The following CECR2 variants were observed in gnomAD, a reference collection of about 807,000 sequenced individuals.
CECR2 encodes the protein CECR2 histone acetyl-lysine reader.
In CECR2, 30 loss-of-function variants were observed where a neutral mutation model predicts 154.5. The ratio of observed to expected loss-of-function variants is 0.19; its 90% CI spans 0.15 to 0.26. The LOEUF (loss-of-function observed/expected upper bound fraction) is 0.26, where lower values mean the gene tolerates loss of function less well. Ranked by LOEUF, CECR2 falls within the 10% of genes least tolerant of loss-of-function variation. CECR2 has a pLI of 1.00. For synonymous variants in CECR2, 725 were observed against 683.7 expected (o/e 1.06, Z -0.94); for missense variants, 1,743 against 1,829.3 (o/e 0.95, Z 0.86).
At position 17,549,156 on chromosome 22, in the gene CECR2, C is replaced by A; in HGVS notation, c.3869C>A (p.Pro1290Gln). The A allele has an allele frequency of 6.2e-7, 1 of 1,614,006 alleles. No homozygotes were observed. Among genetic ancestry groups the A allele is most frequent in the Non-Finnish European group, 8.5e-7 (1 of 1,179,894 alleles). ...EEKLDESMER[P>Q]ESPKEFLDLD... Reference sequence around the variant, plus strand: ...AAGCTGGATGAATCTATGGAGAGGCCAGAGAGTCCCAAAGAATTTTTAGAC... The same window carrying A: ...AAGCTGGATGAATCTATGGAGAGGCAAGAGAGTCCCAAAGAATTTTTAGAC... The change falls in exon 17 of 19, where the codon CCA becomes CAA. Residue 1290 changes from proline (P) to glutamine (Q), a missense_variant. Around this residue, in one of 4 missense-constraint regions of CECR2, gnomAD observed 1,250 missense variants for 1,192.1 expected, o/e 1.05. Transcript: ENST00000262608.
intron 1 of CECR2, among the ~76,000 whole-genome samples, chr22:17,442,242 G>A (rs2054595573): frequency 6.6e-6 from 1 of 152,090 alleles, no homozygotes; most frequent in South Asian, 2.1e-4. Flanking sequence ...GAGCTCATGG[G>A]AATCCATGGT....
upstream of CECR2, among the ~76,000 whole-genome samples, chr22:17,365,105 A>T (rs1472539710): frequency 2.6e-5 from 4 of 151,640 alleles, no homozygotes; most frequent in Non-Finnish European, 5.9e-5. Context: ...GTGCCTGTAA[A>T]CCTAGCTACT....
intron 1 of CECR2, among the ~76,000 whole-genome samples, chr22:17,429,550 ACAAAAAC>A (rs2054388273): frequency 3.6e-5 from 5 of 139,986 alleles, no homozygotes; most frequent in African/African-American, 1.2e-4. Context: ...AAAAACAAAA[ACAAAAAC>A]AAAGAAAAGA....
At chr22:17,443,852 A>G (rs900461280) in intron 1 of CECR2, among the ~76,000 whole-genome samples, 1 of 152,160 alleles carries the variant, frequency 6.6e-6, no homozygotes, top group African/African-American at 2.4e-5. Context: ...AAGTTGATAG[A>G]GGCACGGAGA....
At chr22:17,538,470 G>T in intron 10 of CECR2, 50 bp from the exon 11 acceptor site, 2 of 1,538,470 alleles carry the variant, frequency 1.3e-6, no homozygotes, top group Non-Finnish European at 1.8e-6. Context: ...GAGAGCTCAG[G>T]AGAGAAGGTG....
intron 1 of CECR2, among the ~76,000 whole-genome samples, chr22:17,466,844 G>A (rs149488388): frequency 1.3e-5 from 2 of 152,194 alleles, no homozygotes; most frequent in Admixed American, 6.5e-5. Context: ...CTCCCGCCCC[G>A]GCCTTCCAAA....
intron 1 of CECR2, among the ~76,000 whole-genome samples, chr22:17,396,265 C>G (rs1663913407): frequency 6.7e-6 from 1 of 149,924 alleles, no homozygotes; most frequent in Non-Finnish European, 1.5e-5. Flanking sequence ...AAAAACAAGG[C>G]CAGGCGCTGT....
intron 9 of CECR2, among the ~76,000 whole-genome samples, chr22:17,525,900 G>A (rs1296777): frequency 0.14 from 21,449 of 151,988 alleles, 1,988 homozygotes; most frequent in Non-Finnish European, 0.2. Flanking sequence ...CTGTATTGTA[G>A]TCCCATCTAC....
chr22:17,480,419 TACACACACACACACAC>T lies in CECR2; in HGVS notation c.221+2763_221+2778del, dbSNP rs55977287. 5.6e-3 allele frequency among the ~76,000 whole-genome samples: 769 copies of T among 137,434 alleles called. 20 individuals carry two copies. The East Asian group carries it at 0.097, about 17-fold the overall frequency. 90.2% of individuals were successfully genotyped at this position (137,434 alleles called of 152,430 possible). A position where few individuals can be genotyped will look rare whatever the true frequency, so the allele number is the denominator to read the frequency against. The stretch of plus-strand genomic sequence containing the variant: ...CTTGAAACTTACTACTCATGTATAA[TACACACACACACACAC>T]ACACACACACACACACACACACACA... On this transcript the variant is annotated intron_variant, in intron 2 of 18. Transcript: ENST00000262608.
At chr22:17,493,144 G>A (rs2055561277) in intron 2 of CECR2, among the ~76,000 whole-genome samples, 1 of 151,952 alleles carries the variant, frequency 6.6e-6, no homozygotes, top group South Asian at 2.1e-4. Flanking sequence ...GCTAATTTCT[G>A]TATTTTTAGT....
At chr22:17,360,639 T>C (rs1428991317) in intron 1 of CECR2, among the ~76,000 whole-genome samples, 1 of 151,458 alleles carries the variant, frequency 6.6e-6, no homozygotes, top group Non-Finnish European at 1.5e-5. Flanking sequence ...ATTGTGCCAT[T>C]GCACTCCAGC....
chr22:17,374,392 T>C (rs559224996), intron 1 of CECR2, among the ~76,000 whole-genome samples: 3 of 152,290 alleles, frequency 2.0e-5, no homozygotes, highest in African/African-American at 7.2e-5. Flanking sequence ...CATTAAGTAA[T>C]AGAAATAGCT....
At chr22:17,545,537 AC>A in intron 16 of CECR2, among the ~76,000 whole-genome samples, 1 of 151,962 alleles carries the variant, frequency 6.6e-6, no homozygotes, top group East Asian at 1.9e-4. Flanking sequence ...GAATGGACAC[AC>A]TTGGACTTAA....
intron 2 of CECR2, among the ~76,000 whole-genome samples, chr22:17,480,976 G>A (rs2055301241): frequency 6.7e-6 from 1 of 149,882 alleles, no homozygotes; most frequent in African/African-American, 2.5e-5. Context: ...GGAGGCGGAG[G>A]TTGCAGTGAG....
intron 1 of CECR2, among the ~76,000 whole-genome samples, chr22:17,372,491 C>T (rs1199477888): frequency 2.6e-5 from 4 of 152,026 alleles, no homozygotes; most frequent in Non-Finnish European, 5.9e-5. Context: ...CATGATGAAA[C>T]CCCGTTTCTA....
upstream of CECR2, among the ~76,000 whole-genome samples, chr22:17,368,464 G>A (rs1401119255): frequency 6.6e-6 from 1 of 152,094 alleles, no homozygotes; most frequent in Non-Finnish European, 1.5e-5. Flanking sequence ...ATTCAATGGA[G>A]TTTTTCCAAA....
intron 7 of CECR2, among the ~76,000 whole-genome samples, chr22:17,507,012 GATA>G (rs1467385142): frequency 6.6e-5 from 10 of 152,190 alleles, no homozygotes; most frequent in African/African-American, 2.4e-4. Flanking sequence ...ATTTCATATC[GATA>G]ATAATATTTC....
In CECR2 at chr22:17,497,553, G is replaced by A. The variant is rs779029996; in HGVS notation, c.372G>A (p.Arg124=). The change falls in exon 3 of 19, where the codon CGG becomes CGA. Residue 124 remains arginine, a synonymous_variant. Transcript: ENST00000262608. ...TCCTGCACCGACTCTGTGATTACCGGCTGGATGCAGACGATGTCTTCGATC... is the reference window on the plus strand; with the variant it reads ...TCCTGCACCGACTCTGTGATTACCGACTGGATGCAGACGATGTCTTCGATC... ...VEILHRLCDY[R]LDADDVFDLL... The A allele has an allele frequency of 6.2e-7, 1 of 1,613,952 alleles. No individual in the cohort carries two copies. Among genetic ancestry groups the A allele is most frequent in the Non-Finnish European group, 8.5e-7 (1 of 1,179,866 alleles).
intron 9 of CECR2, among the ~76,000 whole-genome samples, chr22:17,529,670 A>C (rs1381019640): frequency 6.6e-6 from 1 of 151,666 alleles, no homozygotes; most frequent in Non-Finnish European, 1.5e-5. Flanking sequence ...ACCGCACTCC[A>C]GCCTGGGCGA....
Sources: allele counts gnomAD v4.1 joint callset (sites outside exome capture counted in the v4.1 genomes callset), GRCh38; gene constraint gnomAD v4.1.1; regional missense constraint gnomAD v4.1.1; transcripts MANE v1.5; gene names NCBI Gene and HGNC (gene_info 2026-07-23, HGNC 2026-07-21).